Variants in MLXIPL observed in about 807,000 individuals in gnomAD.
MLXIPL encodes MLX interacting protein like.
Under a neutral mutation model 81.5 loss-of-function variants are expected in MLXIPL, and 49 were observed. That is an observed-to-expected ratio of 0.60 (90% CI 0.48 to 0.76). The LOEUF (loss-of-function observed/expected upper bound fraction) is 0.76. Among genes scored for constraint, MLXIPL ranks in the 30% least tolerant of loss-of-function variants. MLXIPL has a pLI of 0.00. For synonymous variants in MLXIPL, 466 were observed against 485.5 expected (o/e 0.96, Z 0.53); for missense variants, 1,053 against 1,167.0 (o/e 0.90, Z 1.42).
chr7:73,630,249 G>A, the MLXIPL span, among the ~76,000 whole-genome samples: 1 of 149,794 alleles, frequency 6.7e-6, no homozygotes. Context: ...TGCCCGCCTC[G>A]GCCTCCCAAA....
chr7:73,631,203 G>A, the MLXIPL span, among the ~76,000 whole-genome samples: 16 of 151,772 alleles, frequency 1.1e-4, no homozygotes, highest in Non-Finnish European at 1.5e-4. Flanking sequence ...GTAGAGACTG[G>A]GTTTCACTGT....
upstream of MLXIPL, among the ~76,000 whole-genome samples, chr7:73,625,660 C>T (rs535514315): frequency 6.6e-6 from 1 of 152,160 alleles, no homozygotes; most frequent in African/African-American, 2.4e-5. Context: ...ACTCGGGAGG[C>T]TGAGGTGGAA....
In MLXIPL at chr7:73,596,521, G is replaced by A; in HGVS notation, c.1823-42C>T. ...CAGACCCACAGAAAGACCGACCCAGGGGAAAGGGTCCCCATTGCCCCCTTC... is the reference window on the plus strand; with the variant it reads ...CAGACCCACAGAAAGACCGACCCAGAGGAAAGGGTCCCCATTGCCCCCTTC... On this transcript the variant is annotated intron_variant, in intron 11 of 16. Coordinates refer to ENST00000313375, the MANE Select transcript of MLXIPL (RefSeq NM_032951.3). This position sits in a 1 kb window ranked among gnomAD's most constrained non-coding sequence, Gnocchi z 4.7. 1 of 1,610,282 alleles carries A rather than the reference G, an allele frequency of 6.2e-7. No homozygotes were observed. The highest frequency in any genetic ancestry group is 8.5e-7 in the Non-Finnish European group (1 of 1,178,240).
At position 73,606,110 on chromosome 7, in the gene MLXIPL, G is replaced by A. The variant is rs61746652; in HGVS notation, c.620C>T (p.Ala207Val). 6.1e-4 allele frequency: 965 copies of A among 1,572,682 alleles called. 4 individuals carry two copies. The African/African-American group carries it at 8.0e-3, about 13-fold the overall frequency. ...CTCCGGCGGCGGCCACCTGCCTTCC[G>A]CCTAGGGAGACAGAGCCGTCAGCAG... ...REDDLLAPKQAEGRWPPPEQW... is the reference protein window; with the variant it reads ...REDDLLAPKQVEGRWPPPEQW... The change falls in exon 6 of 17, where the codon GCG becomes GTG. Residue 207 changes from alanine (A) to valine (V), a missense_variant and splice_region_variant. Ala to Val is a moderately conservative substitution (Grantham distance 64). Transcript: ENST00000313375.
intron 2 of MLXIPL, among the ~76,000 whole-genome samples, chr7:73,612,957 A>G (rs1554600020): frequency 6.6e-6 from 1 of 152,208 alleles, no homozygotes; most frequent in Non-Finnish European, 1.5e-5. Flanking sequence ...CAAAGTGGAA[A>G]GTCCTTCTTG....
intron 2 of MLXIPL, among the ~76,000 whole-genome samples, chr7:73,615,195 G>A (rs1554600534): frequency 3.9e-5 from 6 of 152,122 alleles, no homozygotes; most frequent in Non-Finnish European, 8.8e-5. Flanking sequence ...CGGGGTGGAG[G>A]AACTAGCTCT....
At chr7:73,598,514 A>C (rs1794532437) in intron 8 of MLXIPL, among the ~76,000 whole-genome samples, 2 of 152,104 alleles carry the variant, frequency 1.3e-5, no homozygotes, top group African/African-American at 2.4e-5. Context: ...TATATCCACC[A>C]ACCCACGTGT....
At chr7:73,617,943 G>A (rs1230553567) in intron 1 of MLXIPL, among the ~76,000 whole-genome samples, 1 of 152,154 alleles carries the variant, frequency 6.6e-6, no homozygotes, top group African/African-American at 2.4e-5. Flanking sequence ...GAGCCAGGAG[G>A]CCAAGACATT....
At position 73,596,751 on chromosome 7, in the gene MLXIPL, G is replaced by T. The variant is rs1554594184; in HGVS notation, c.1710C>A (p.Pro570=). The T allele has an allele frequency of 1.3e-6, 2 of 1,599,416 alleles. No individual in the cohort carries two copies. The highest frequency in any genetic ancestry group is 1.7e-6 in the Non-Finnish European group (2 of 1,174,284). The part of the protein sequence containing the change: ...TVPEFPCTFL[P]PTPAPTPPRP... Reference sequence around the variant, plus strand: ...GGGGCGGTGTAGGGGCCGGGGTCGGGGGAAGGAATGTGCAGGGGAATTCAG... The same window carrying T: ...GGGGCGGTGTAGGGGCCGGGGTCGGTGGAAGGAATGTGCAGGGGAATTCAG... The change falls in exon 11 of 17, where the codon CCC becomes CCA. Residue 570 remains proline, a synonymous_variant. Coordinates refer to ENST00000313375, the MANE Select transcript of MLXIPL (RefSeq NM_032951.3). This position sits in a 1 kb window ranked among gnomAD's most constrained non-coding sequence, Gnocchi z 4.7.
At chr7:73,607,241 G>A in intron 4 of MLXIPL, 90 bp downstream of exon 4, 1 of 1,392,006 alleles carries the variant, frequency 7.2e-7, no homozygotes, top group Non-Finnish European at 9.9e-7. Flanking sequence ...CGGGGGTCAG[G>A]ATCCCCTTTC....
upstream of MLXIPL, chr7:73,624,676 G>A (rs987177918): frequency 3.8e-5 from 47 of 1,229,864 alleles, no homozygotes; most frequent in Non-Finnish European, 4.9e-5. Context: ...CCGGTGCTCT[G>A]GAGCTCTGGC....
the MLXIPL span, among the ~76,000 whole-genome samples, chr7:73,647,817 G>C: frequency 2.0e-5 from 3 of 150,924 alleles, no homozygotes; most frequent in Admixed American, 6.6e-5. Flanking sequence ...CGCGGCCAGG[G>C]GCGGGCGGCG....
the MLXIPL span, among the ~76,000 whole-genome samples, chr7:73,630,535 C>T: frequency 5.5e-3 from 842 of 151,980 alleles, 11 homozygotes; most frequent in African/African-American, 0.019. Context: ...TCAAGCAATC[C>T]TCCTGCCTTG....
chr7:73,629,557 ACT>A, the MLXIPL span, among the ~76,000 whole-genome samples: 657 of 152,090 alleles, frequency 4.3e-3, 5 homozygotes, highest in African/African-American at 0.014. Flanking sequence ...GCATAGCAAG[ACT>A]CTGTCTCTAC....
chr7:73,605,885 C>G (rs781952252), intron 6 of MLXIPL, 25 bp downstream of exon 6: 12 of 1,569,644 alleles, frequency 7.6e-6, no homozygotes, highest in Non-Finnish European at 9.5e-6. Context: ...TCACCCCTCT[C>G]CCCTGCCCTT....
chr7:73,595,142 G>C (rs1554593209), intron 15 of MLXIPL, among the ~76,000 whole-genome samples: 1 of 152,122 alleles, frequency 6.6e-6, no homozygotes, highest in East Asian at 1.9e-4. Context: ...CACCGCACCT[G>C]GCTTGCAGTC....
In MLXIPL at chr7:73,597,709, C is replaced by T. The variant is rs782007742; in HGVS notation, c.1076G>A (p.Arg359Gln). The T allele has an allele frequency of 3.1e-5, 42 of 1,334,860 alleles. No homozygotes were observed. Among genetic ancestry groups the T allele is most frequent in the Middle Eastern group, 2.2e-4 (1 of 4,622 alleles). The allele number at this position is 1,334,860 out of a possible 1,614,324, so 82.7% of individuals were successfully genotyped here. The change falls in exon 9 of 17, where the codon CGG becomes CAG. Residue 359 changes from arginine (R) to glutamine (Q), a missense_variant. Transcript: ENST00000313375. ...HLSGHSRLQARNSCPGPLDSS... is the reference protein window; with the variant it reads ...HLSGHSRLQAQNSCPGPLDSS... ...GTCCAAGGGGCCAGGGCAGCTGTTC[C>T]GAGCCTGGTTGGGGGGACAGACAGA...
the MLXIPL span, among the ~76,000 whole-genome samples, chr7:73,643,150 A>G: frequency 7.2e-5 from 11 of 152,134 alleles, no homozygotes; most frequent in East Asian, 1.9e-4. Flanking sequence ...TCATCCATCA[A>G]TCTGCTCAAC....
chr7:73,631,638 C>A, the MLXIPL span, among the ~76,000 whole-genome samples: 1 of 144,794 alleles, frequency 6.9e-6, no homozygotes, highest in Non-Finnish European at 1.5e-5. Context: ...AACTCCCAAC[C>A]TCAAGTGATC....
Sources: allele counts gnomAD v4.1 joint callset (sites outside exome capture counted in the v4.1 genomes callset), GRCh38; gene constraint gnomAD v4.1.1; non-coding constraint Gnocchi (gnomAD v3.1); transcripts MANE v1.5; gene names NCBI Gene and HGNC (gene_info 2026-07-23, HGNC 2026-07-21).